CDK14: variants seen among roughly 807,000 people sequenced by gnomAD.
CDK14 encodes cyclin-dependent kinase 14.
In CDK14, 34 loss-of-function variants were observed where a neutral mutation model predicts 60.7. That is an observed-to-expected ratio of 0.56 (90% CI 0.43 to 0.75). CDK14 has a LOEUF of 0.75. CDK14 is among the 30% of genes least tolerant of loss of function. The probability of loss-of-function intolerance (pLI) is 0.00; values close to 1 mark genes in which losing one functional copy is unlikely to be tolerated. For missense variants in CDK14, 482 were observed against 564.1 expected (o/e 0.85, Z 1.47); for synonymous variants, 197 against 203.7 (o/e 0.97, Z 0.28).
chr7:91,186,631 G>A (rs998199107), intron 14 of CDK14, among the ~76,000 whole-genome samples: 1 of 152,046 alleles, frequency 6.6e-6, no homozygotes, highest in Non-Finnish European at 1.5e-5. Context: ...CTTCTCTTTG[G>A]AGAAAAATAT....
intron 2 of CDK14, among the ~76,000 whole-genome samples, chr7:90,611,926 G>T (rs1799546906): frequency 6.7e-6 from 1 of 149,580 alleles, no homozygotes; most frequent in South Asian, 2.1e-4. Flanking sequence ...TCCACCTCCA[G>T]GGTTCAAGTG....
At chr7:90,606,691 TG>T (rs1301548334) in intron 2 of CDK14, among the ~76,000 whole-genome samples, 2 of 152,218 alleles carry the variant, frequency 1.3e-5, no homozygotes, top group Non-Finnish European at 2.9e-5. Flanking sequence ...AGATTCCGTA[TG>T]GGGGTGATTG....
chr7:91,199,981 T>A (rs1415710967), intron 14 of CDK14, among the ~76,000 whole-genome samples: 1 of 152,184 alleles, frequency 6.6e-6, no homozygotes, highest in African/African-American at 2.4e-5. Flanking sequence ...AGAAGTAGGT[T>A]TGACTAATTT....
chr7:90,792,086 G>A (rs961939597), intron 5 of CDK14, among the ~76,000 whole-genome samples: 1 of 151,982 alleles, frequency 6.6e-6, no homozygotes, highest in Admixed American at 6.6e-5. Flanking sequence ...ATTTTTAGTA[G>A]AGATGGGGTT....
chr7:90,689,273 G>T (rs1042402355), intron 2 of CDK14, among the ~76,000 whole-genome samples: 1 of 152,088 alleles, frequency 6.6e-6, no homozygotes, highest in Non-Finnish European at 1.5e-5. Context: ...TGGTTTTAAT[G>T]ATTAATTTAG....
intron 2 of CDK14, among the ~76,000 whole-genome samples, chr7:90,698,590 T>C (rs540197522): frequency 6.8e-4 from 104 of 152,350 alleles, no homozygotes; most frequent in African/African-American, 2.4e-3. Context: ...ACATTTTGTT[T>C]AGTAAAATTT....
intron 2 of CDK14, among the ~76,000 whole-genome samples, chr7:90,706,891 G>A (rs1327500215): frequency 2.0e-5 from 3 of 152,082 alleles, no homozygotes; most frequent in Non-Finnish European, 4.4e-5. Context: ...GGATACAAAA[G>A]CCTGGCCCTC....
intron 10 of CDK14, among the ~76,000 whole-genome samples, chr7:91,030,590 G>T (rs1233856706): frequency 6.6e-6 from 1 of 152,132 alleles, no homozygotes; most frequent in East Asian, 1.9e-4. Flanking sequence ...AGGTGCCCCT[G>T]TGAAAGAGGA....
intron 14 of CDK14, among the ~76,000 whole-genome samples, chr7:91,173,962 A>C (rs1193490233): frequency 3.3e-5 from 5 of 152,214 alleles, no homozygotes; most frequent in Non-Finnish European, 5.9e-5. Context: ...ACCACAGCTC[A>C]AGGAGGCCTG....
chr7:90,681,934 T>A (rs2116562622), intron 2 of CDK14, among the ~76,000 whole-genome samples: 1 of 152,348 alleles, frequency 6.6e-6, no homozygotes, highest in South Asian at 2.1e-4. Context: ...AGAATTAAGT[T>A]AACTGAAAAT....
chr7:90,803,853 A>G (rs370990139), intron 5 of CDK14, among the ~76,000 whole-genome samples: 9 of 152,144 alleles, frequency 5.9e-5, no homozygotes, highest in East Asian at 5.8e-4. Flanking sequence ...TCATTTTACT[A>G]ATCAAGAGGC....
At chr7:90,860,479 C>A (rs536831830) in intron 5 of CDK14, among the ~76,000 whole-genome samples, 3 of 149,978 alleles carry the variant, frequency 2.0e-5, no homozygotes, top group African/African-American at 7.3e-5. Flanking sequence ...TTAAGATGAG[C>A]AGTGTTGCAA....
chr7:90,939,062 T>C (rs1793835954), intron 8 of CDK14, among the ~76,000 whole-genome samples: 1 of 152,240 alleles, frequency 6.6e-6, no homozygotes, highest in Admixed American at 6.5e-5. Flanking sequence ...ACAAAATATT[T>C]AATGAGGGAA....
chr7:90,618,593 G>C (rs1408782947), intron 2 of CDK14, among the ~76,000 whole-genome samples: 1 of 152,104 alleles, frequency 6.6e-6, no homozygotes, highest in Non-Finnish European at 1.5e-5. Flanking sequence ...ATGTGCAACT[G>C]GTGCAGGCAA....
chr7:90,746,112 C>A (rs1803580565), intron 3 of CDK14, among the ~76,000 whole-genome samples: 1 of 152,136 alleles, frequency 6.6e-6, no homozygotes, highest in Admixed American at 6.5e-5. Flanking sequence ...GTTCTTGCTT[C>A]TTTTATTTAA....
chr7:90,659,459 A>G (rs1474910840), intron 2 of CDK14, among the ~76,000 whole-genome samples: 1 of 152,208 alleles, frequency 6.6e-6, no homozygotes, highest in Non-Finnish European at 1.5e-5. Flanking sequence ...TTCAATAAAT[A>G]TACGTTTCTT....
At chr7:90,806,038 G>A (rs999991577) in intron 5 of CDK14, among the ~76,000 whole-genome samples, 1 of 152,032 alleles carries the variant, frequency 6.6e-6, no homozygotes, top group African/African-American at 2.4e-5. Flanking sequence ...GCAATTCAAT[G>A]GAGAAATAAC....
At chr7:90,900,487 T>A (rs1792472634) in intron 7 of CDK14, among the ~76,000 whole-genome samples, 2 of 152,180 alleles carry the variant, frequency 1.3e-5, no homozygotes, top group Admixed American at 6.5e-5. Flanking sequence ...CAATTCCAAC[T>A]CTAAATATTA....
intron 2 of CDK14, among the ~76,000 whole-genome samples, chr7:90,683,568 A>G (rs958671018): frequency 6.6e-6 from 1 of 152,246 alleles, no homozygotes; most frequent in African/African-American, 2.4e-5. Flanking sequence ...TGGGAGGCCA[A>G]GGCGGGCGGA....
Sources: gnomAD v4.1 joint callset for allele counts (sites outside exome capture counted in the v4.1 genomes callset) on GRCh38, gnomAD v4.1.1 for gene constraint, MANE v1.5 for transcripts, NCBI Gene and HGNC (gene_info 2026-07-23, HGNC 2026-07-21) for gene names.